The following ZNF560 variants were observed in gnomAD, a reference collection of about 807,000 sequenced individuals.
ZNF560 encodes the protein zinc finger protein 560.
ZNF560 carries 54 observed loss-of-function variants against 81.8 expected under a neutral mutation model. The observed-to-expected ratio is 0.66, with a 90% CI of 0.53 to 0.83. ZNF560 has a LOEUF of 0.83. Ranked by LOEUF, ZNF560 falls within the 40% of genes least tolerant of loss-of-function variation. The probability of loss-of-function intolerance (pLI) is 0.00; values close to 1 mark genes in which losing one functional copy is unlikely to be tolerated. For synonymous variants in ZNF560, 321 were observed against 317.9 expected (o/e 1.01, Z -0.10); for missense variants, 940 against 932.4 (o/e 1.01, Z -0.11).
At chr19:9,489,422 C>T (rs1034412770) in intron 2 of ZNF560, among the ~76,000 whole-genome samples, 27 of 149,108 alleles carry the variant, frequency 1.8e-4, no homozygotes, top group African/African-American at 4.5e-4. Flanking sequence ...TGAGCAGAGG[C>T]GCTCCTCACT....
At chr19:9,465,457 A>G (rs200646168), downstream of ZNF560, among the ~76,000 whole-genome samples, 13 of 152,306 alleles carry the variant, frequency 8.5e-5, no homozygotes, top group East Asian at 2.5e-3. Context: ...TGTTTCTAAC[A>G]TTGTACAGCT....
chr19:9,475,676 G>A lies in ZNF560; in HGVS notation c.-56-307C>T, dbSNP rs184905948. Among the ~76,000 whole-genome samples, 366 of 149,656 alleles carry A rather than the reference G, an allele frequency of 2.4e-3. 6 individuals carry two copies. Among genetic ancestry groups the A allele is most frequent in the Admixed American group, 0.019 (280 of 14,948 alleles). ...GGCTGGAGTGCAGTGGCACGATCTC[G>A]GCTCACTGCAAGCTCTGCCTCCTGG... On this transcript the variant is annotated intron_variant, in intron 2 of 9. Coordinates refer to ENST00000301480, the MANE Select transcript of ZNF560 (RefSeq NM_152476.3).
chr19:9,494,602 G>A lies in ZNF560; in HGVS notation c.-57+3526C>T, dbSNP rs1225233837. Among the ~76,000 whole-genome samples the A allele has an allele frequency of 2.6e-5, 4 of 152,126 alleles. No individual in the cohort carries two copies. In the South Asian group the frequency reaches 8.3e-4, roughly 32 times the overall value. Reference sequence around the variant, plus strand: ...ATACAAAAAATTAGCCAGGCATGGTGGCAGGTGCCTGTAATCCCAGCTACT... The same window carrying A: ...ATACAAAAAATTAGCCAGGCATGGTAGCAGGTGCCTGTAATCCCAGCTACT... On this transcript the variant is annotated intron_variant, in intron 2 of 9. Transcript: ENST00000301480.
chr19:9,467,798 T>C lies in ZNF560; in HGVS notation c.1149A>G (p.Lys383=), dbSNP rs771329991. 3.1e-5 allele frequency: 50 copies of C among 1,614,050 alleles called. No homozygotes were observed. Among genetic ancestry groups the C allele is most frequent in the Non-Finnish European group, 4.1e-5 (48 of 1,180,032 alleles). Residue 383 remains lysine, a synonymous_variant, in exon 10 of 10, where the codon AAA becomes AAG. Transcript: ENST00000301480. ...IKPYKCKHCG[K]TFTVPSGFLE... ...GAAAGCCTGACGGCACAGTGAAGGT[T>C]TTGCCACAGTGCTTACATTTATAAG...
intron 2 of ZNF560, among the ~76,000 whole-genome samples, chr19:9,482,655 C>T (rs1308752201): frequency 6.7e-6 from 1 of 150,362 alleles, no homozygotes; most frequent in Admixed American, 6.6e-5. Flanking sequence ...CCCCCTCCCC[C>T]TCCCTCTCCC....
chr19:9,460,268 A>C, the ZNF560 span, among the ~76,000 whole-genome samples: 1 of 152,208 alleles, frequency 6.6e-6, no homozygotes, highest in African/African-American at 2.4e-5. Context: ...GCAGCCACCT[A>C]CCTGGGGACA....
intron 5 of ZNF560, among the ~76,000 whole-genome samples, chr19:9,471,849 G>A (rs1427070244): frequency 6.6e-6 from 1 of 152,194 alleles, no homozygotes; most frequent in Non-Finnish European, 1.5e-5. Flanking sequence ...GGTGGCTTAC[G>A]CCTGTAATCC....
Position 9,466,758 on chromosome 19 carries a change from T to G in ZNF560, c.2189A>C (p.His730Pro), listed in dbSNP as rs879184568. ...CTTCTCTCCAGTGTGAATTCGCACA[T>G]GATTAGTAAGATCTGAATGACAAGT... ...AFTCHSDLTNHVRIHTGEKPY... is the reference protein window; with the variant it reads ...AFTCHSDLTNPVRIHTGEKPY... The change falls in exon 10 of 10, where the codon CAT (histidine) becomes CCT (proline). Residue 730 changes from histidine to proline, a missense_variant. Physicochemically the swap from His to Pro is moderately conservative, Grantham distance 77 (BLOSUM62 -2). Transcript: ENST00000301480. 6.2e-7 allele frequency: 1 copy of G among 1,613,942 alleles called. No homozygotes were observed. Among genetic ancestry groups the G allele is most frequent in the Non-Finnish European group, 8.5e-7 (1 of 1,179,822 alleles).
chr19:9,464,822 A>G (rs2072989984), downstream of ZNF560, among the ~76,000 whole-genome samples: 1 of 152,318 alleles, frequency 6.6e-6, no homozygotes, highest in Middle Eastern at 3.4e-3. Flanking sequence ...AACTTCCAAA[A>G]TAGTTCTATA....
the ZNF560 span, among the ~76,000 whole-genome samples, chr19:9,450,653 C>G: frequency 4.1e-4 from 63 of 152,110 alleles, 1 homozygote; most frequent in African/African-American, 1.5e-3. Flanking sequence ...CATCAGCCTC[C>G]CGAGTATCTG....
At chr19:9,493,011 T>C (rs1303244829) in intron 2 of ZNF560, among the ~76,000 whole-genome samples, 1 of 151,928 alleles carries the variant, frequency 6.6e-6, no homozygotes, top group Non-Finnish European at 1.5e-5. Flanking sequence ...AATAAGGAGG[T>C]GAGAGGGTAT....
At position 9,466,524 on chromosome 19, in the gene ZNF560, A is replaced by G; in HGVS notation, c.*50T>C. On this transcript the variant is annotated 3_prime_UTR_variant, in exon 10 of 10. Transcript: ENST00000301480. Reference sequence around the variant, plus strand: ...ATTTTTACATGTTCAGTTAGGCTTGAGGAAACAGCAAAGGTTTTTCCACAT... The same window carrying G: ...ATTTTTACATGTTCAGTTAGGCTTGGGGAAACAGCAAAGGTTTTTCCACAT... The G allele has an allele frequency of 6.7e-7, 1 of 1,501,148 alleles. No individual in the cohort carries two copies. Among genetic ancestry groups the G allele is most frequent in the South Asian group, 1.3e-5 (1 of 74,580 alleles). 93.0% of individuals were successfully genotyped at this position (1,501,148 alleles called of 1,614,324 possible). A position where few individuals can be genotyped will look rare whatever the true frequency, so the allele number is the denominator to read the frequency against.
Position 9,474,402 on chromosome 19 carries a change from C to T in ZNF560, c.31-77G>A, listed in dbSNP as rs2073167983. 2.0e-6 allele frequency: 3 copies of T among 1,494,630 alleles called. No homozygotes were observed. The South Asian group carries it at 3.9e-5, about 19-fold the overall frequency. The allele number at this position is 1,494,630 out of a possible 1,614,324, so 92.6% of individuals were successfully genotyped here. A position where few individuals can be genotyped will look rare whatever the true frequency, so the allele number is the denominator to read the frequency against. The stretch of plus-strand genomic sequence containing the variant: ...TTCACTGAAGAATCAGTTAACAGAC[C>T]CCAATGCCTATAAAGAGTTGTGAGG... On this transcript the variant is annotated intron_variant, in intron 3 of 9. Transcript: ENST00000301480.
chr19:9,456,033 C>G, the ZNF560 span, among the ~76,000 whole-genome samples: 23 of 152,222 alleles, frequency 1.5e-4, no homozygotes, highest in Admixed American at 3.9e-4. Flanking sequence ...CAGTGTCATT[C>G]TAAATTTGAT....
At chr19:9,462,434 G>GT (rs1183655476), downstream of ZNF560, among the ~76,000 whole-genome samples, 2 of 152,196 alleles carry the variant, frequency 1.3e-5, no homozygotes, top group Non-Finnish European at 2.9e-5. Context: ...CAGAAACGAT[G>GT]TTTATCACAG....
chr19:9,488,571 A>G (rs1367680226), intron 2 of ZNF560, among the ~76,000 whole-genome samples: 1 of 152,154 alleles, frequency 6.6e-6, no homozygotes, highest in East Asian at 1.9e-4. Context: ...TCCAAAATCC[A>G]GGGAGAAAGA....
the ZNF560 span, among the ~76,000 whole-genome samples, chr19:9,446,643 T>G: frequency 6.6e-6 from 1 of 152,204 alleles, no homozygotes; most frequent in Non-Finnish European, 1.5e-5. Flanking sequence ...GTCAGTCAAC[T>G]GTATTACATT....
intron 2 of ZNF560, among the ~76,000 whole-genome samples, chr19:9,487,106 A>G (rs531055665): frequency 6.6e-6 from 1 of 150,992 alleles, no homozygotes; most frequent in African/African-American, 2.4e-5. Context: ...GTCCACCTCC[A>G]GCCAATGAAG....
chr19:9,474,405 A>G, intron 3 of ZNF560, 80 bp from the exon 4 acceptor site: 5 of 1,489,866 alleles, frequency 3.4e-6, no homozygotes, highest in Non-Finnish European at 9.1e-7. Context: ...AACAGACCCC[A>G]ATGCCTATAA....
Sources: allele counts gnomAD v4.1 joint callset (sites outside exome capture counted in the v4.1 genomes callset), GRCh38; gene constraint gnomAD v4.1.1; transcripts MANE v1.5; gene names NCBI Gene and HGNC (gene_info 2026-07-23, HGNC 2026-07-21).